Variants in TRAPPC8 observed in about 807,000 individuals in gnomAD.
TRAPPC8 encodes the protein trafficking protein particle complex subunit 8.
Under a neutral mutation model 174.3 loss-of-function variants are expected in TRAPPC8, and 54 were observed. The ratio of observed to expected loss-of-function variants is 0.31; its 90% CI spans 0.25 to 0.39. The LOEUF (loss-of-function observed/expected upper bound fraction) is 0.39, where lower values mean the gene tolerates loss of function less well. TRAPPC8 is among the 10% of genes least tolerant of loss of function. TRAPPC8 has a pLI of 1.00. For synonymous variants in TRAPPC8, 630 were observed against 579.9 expected (o/e 1.09, Z -1.24); for missense variants, 1,531 against 1,699.1 (o/e 0.90, Z 1.74).
intron 26 of TRAPPC8, among the ~76,000 whole-genome samples, chr18:31,842,693 C>G (rs1335930386): frequency 1.3e-5 from 2 of 152,194 alleles, no homozygotes; most frequent in Non-Finnish European, 2.9e-5. Context: ...GCTCTGAAAT[C>G]AGAAATGCTG....
intron 2 of TRAPPC8, among the ~76,000 whole-genome samples, chr18:31,925,771 G>A (rs2037589285): frequency 6.6e-6 from 1 of 152,120 alleles, no homozygotes; most frequent in African/African-American, 2.4e-5. Context: ...TACATATAAT[G>A]GCTTCTAGCT....
intron 10 of TRAPPC8, among the ~76,000 whole-genome samples, chr18:31,899,050 C>A (rs183165121): frequency 1.3e-5 from 2 of 152,142 alleles, no homozygotes; most frequent in Admixed American, 1.3e-4. Flanking sequence ...AAACTTTCTA[C>A]AAATCACACC....
chr18:31,854,638 A>G (rs1208380750), intron 21 of TRAPPC8, among the ~76,000 whole-genome samples: 4 of 152,146 alleles, frequency 2.6e-5, no homozygotes, highest in African/African-American at 7.2e-5. Flanking sequence ...TAAGAGTCCT[A>G]TTTCAAACAT....
At position 31,942,958 on chromosome 18, in the gene TRAPPC8, C is replaced by T; in HGVS notation, c.-194G>A. 1 of 1,132,896 alleles carries T rather than the reference C, an allele frequency of 8.8e-7. No homozygotes were observed. Among genetic ancestry groups the T allele is most frequent in the African/African-American group, 1.6e-5 (1 of 62,564 alleles). 70.2% of individuals were successfully genotyped at this position (1,132,896 alleles called of 1,614,324 possible). ...TGGGGCACAATCCACTGACCCCCCCCTTCCCGTCACCGCCGCTTCTCAGCG... is the reference window on the plus strand; with the variant it reads ...TGGGGCACAATCCACTGACCCCCCCTTTCCCGTCACCGCCGCTTCTCAGCG... On this transcript the variant is annotated 5_prime_UTR_variant, in exon 1 of 29. Coordinates refer to ENST00000283351, the MANE Select transcript of TRAPPC8 (RefSeq NM_014939.5).
intron 27 of TRAPPC8, among the ~76,000 whole-genome samples, chr18:31,836,974 G>A (rs1408901436): frequency 2.0e-5 from 3 of 151,958 alleles, no homozygotes; most frequent in Non-Finnish European, 4.4e-5. Context: ...GTGTTAGCCA[G>A]GATGGTCTTG....
At chr18:31,854,779 T>A (rs911480923) in intron 21 of TRAPPC8, among the ~76,000 whole-genome samples, 15 of 151,566 alleles carry the variant, frequency 9.9e-5, no homozygotes, top group South Asian at 2.1e-4. Flanking sequence ...CCATCCTGGC[T>A]AACATGGTGA....
intron 12 of TRAPPC8, among the ~76,000 whole-genome samples, chr18:31,886,706 AGC>A (rs2035735793): frequency 6.6e-6 from 1 of 152,138 alleles, no homozygotes; most frequent in Non-Finnish European, 1.5e-5. Flanking sequence ...GGGGGTGCCG[AGC>A]GCAATGGCTC....
chr18:31,844,781 T>C (rs896575837), intron 26 of TRAPPC8, among the ~76,000 whole-genome samples: 3 of 150,732 alleles, frequency 2.0e-5, no homozygotes, highest in Non-Finnish European at 4.4e-5. Context: ...TCAAATTATC[T>C]CCGCACAAAT....
chr18:31,847,508 A>C lies in TRAPPC8; in HGVS notation c.3736-691T>G, dbSNP rs114624223. Among the ~76,000 whole-genome samples, 841 of 152,328 alleles carry C rather than the reference A, an allele frequency of 5.5e-3. 5 individuals carry two copies. The highest frequency in any genetic ancestry group is 0.019 in the African/African-American group (799 of 41,576). On this transcript the variant is annotated intron_variant, in intron 25 of 28. Transcript: ENST00000283351. ...GGTATTTTTACTGTTAGGTTCAAAA[A>C]ACATAAAATTACTCAGTCAAAATGC...
chr18:31,876,489 C>CAAAAAAGAAAAA (rs2035153551), intron 12 of TRAPPC8, among the ~76,000 whole-genome samples: 1 of 48,722 alleles, frequency 2.1e-5, no homozygotes, highest in Non-Finnish European at 3.6e-5. Flanking sequence ...GACTCCATCT[C>CAAAAAAGAAAAA]AAAAAAAAAA....
intron 24 of TRAPPC8, among the ~76,000 whole-genome samples, 188 bp downstream of exon 24, chr18:31,852,258 T>C (rs2145059298): frequency 6.6e-6 from 1 of 152,250 alleles, no homozygotes; most frequent in East Asian, 1.9e-4. Flanking sequence ...GGAGGATCAC[T>C]TGATCCTGGG....
chr18:31,933,578 G>A (rs1291914098), intron 1 of TRAPPC8, among the ~76,000 whole-genome samples: 2 of 152,124 alleles, frequency 1.3e-5, no homozygotes, highest in African/African-American at 4.8e-5. Flanking sequence ...AGCAGCAGCA[G>A]ATACAACATC....
chr18:31,907,649 C>T (rs1395042428), intron 8 of TRAPPC8, 39 bp from the exon 9 acceptor site: 8 of 1,484,158 alleles, frequency 5.4e-6, no homozygotes, highest in South Asian at 1.4e-5. Flanking sequence ...ATTTATTACC[C>T]CCCAAACCAT....
At chr18:31,869,161 A>C (rs997060472) in intron 16 of TRAPPC8, among the ~76,000 whole-genome samples, 1 of 152,164 alleles carries the variant, frequency 6.6e-6, no homozygotes, top group African/African-American at 2.4e-5. Context: ...TTAATAAAGA[A>C]ACTATTTGGC....
At chr18:31,835,867 G>A (rs28760310) in intron 27 of TRAPPC8, among the ~76,000 whole-genome samples, 6,125 of 152,180 alleles carry the variant, frequency 0.04, 352 homozygotes, top group African/African-American at 0.12. Context: ...TTTATACTCC[G>A]GAGACATGCC....
intron 12 of TRAPPC8, among the ~76,000 whole-genome samples, chr18:31,882,879 T>G (rs1280809072): frequency 6.9e-6 from 1 of 144,758 alleles, no homozygotes; most frequent in Non-Finnish European, 1.5e-5. Flanking sequence ...CCACCCAAAG[T>G]ACTGGGATTA....
intron 25 of TRAPPC8, among the ~76,000 whole-genome samples, chr18:31,849,137 AAAT>A (rs1193734980): frequency 6.6e-6 from 1 of 152,204 alleles, no homozygotes; most frequent in African/African-American, 2.4e-5. Flanking sequence ...GTCATTTTAA[AAAT>A]ACTACAGCAA....
chr18:31,880,087 AAAAATATATATATATAT>A lies in TRAPPC8; in HGVS notation c.1729-5400_1729-5384del, dbSNP rs1290845542. Among the ~76,000 whole-genome samples, 112 of 63,348 alleles carry A rather than the reference AAAAATATATATATATAT, an allele frequency of 1.8e-3. 3 individuals carry two copies. Among genetic ancestry groups the A allele is most frequent in the African/African-American group, 7.0e-3 (91 of 12,920 alleles). The allele number at this position is 63,348 out of a possible 152,430, so 41.6% of individuals were successfully genotyped here. ...CAATTTTACTGAAACTATTGAAAAA[AAAAATATATATATATAT>A]ATATATATATATATATATTTTTTTT... On this transcript the variant is annotated intron_variant, in intron 12 of 28. Transcript: ENST00000283351.
chr18:31,941,650 C>T (rs575653217), intron 1 of TRAPPC8, among the ~76,000 whole-genome samples: 28 of 152,214 alleles, frequency 1.8e-4, no homozygotes, highest in South Asian at 1.4e-3. Flanking sequence ...TCCCAAAAAA[C>T]ATGGTAGCGC....
Sources: gnomAD v4.1 joint callset for allele counts (sites outside exome capture counted in the v4.1 genomes callset) on GRCh38, gnomAD v4.1.1 for gene constraint, MANE v1.5 for transcripts, NCBI Gene and HGNC (gene_info 2026-07-23, HGNC 2026-07-21) for gene names.